TSFM: variants seen among roughly 807,000 people sequenced by gnomAD.
The protein encoded by TSFM is Ts translation elongation factor, mitochondrial.
In TSFM, 29 loss-of-function variants were observed where a neutral mutation model predicts 33.4. That is an observed-to-expected ratio of 0.87 (90% CI 0.65 to 1.18). The LOEUF (loss-of-function observed/expected upper bound fraction) is 1.18, where lower values mean the gene tolerates loss of function less well. Among genes scored for constraint, TSFM ranks in the 50% most tolerant of loss-of-function variants. The probability of loss-of-function intolerance (pLI) is 0.00; values close to 1 mark genes in which losing one functional copy is unlikely to be tolerated. For missense variants in TSFM, 394 were observed against 395.6 expected, an observed-to-expected ratio of 1.00 and a Z score of 0.04; for synonymous variants, 178 against 163.5, an observed-to-expected ratio of 1.09 and a Z score of -0.68.
chr12:57,782,983 C>T, intron 1 of TSFM, 125 bp downstream of exon 1: 1 of 1,467,140 alleles, frequency 6.8e-7, no homozygotes. Flanking sequence ...TGCCTCTGCC[C>T]AGTCCAGCCC....
downstream of TSFM, chr12:57,801,053 A>G: frequency 9.6e-7 from 1 of 1,039,360 alleles, no homozygotes; most frequent in Admixed American, 2.0e-5. Flanking sequence ...TAAGGACATG[A>G]GTTTTGCCTG....
chr12:57,802,302 C>G (rs374532704), downstream of TSFM: 11 of 1,613,862 alleles, frequency 6.8e-6, no homozygotes, highest in Admixed American at 1.7e-5. Flanking sequence ...GGCAAGGGCA[C>G]TCTCCTTCTC....
downstream of TSFM, chr12:57,801,043 T>C (rs1277924608): frequency 2.1e-6 from 2 of 941,118 alleles, no homozygotes; most frequent in Non-Finnish European, 3.3e-6. Context: ...ATGGTAATAC[T>C]AAGGACATGA....
intron 4 of TSFM, among the ~76,000 whole-genome samples, chr12:57,787,395 C>CT (rs1207549923): frequency 6.6e-6 from 1 of 152,136 alleles, no homozygotes; most frequent in African/African-American, 2.4e-5. Context: ...TGTGTGTTGT[C>CT]TATCTTCCCC....
rs759041660 is a variant in TSFM, at chr12:57,792,968, T to C, written c.484-18T>C. On this transcript the variant is annotated intron_variant, in intron 4 of 5. Coordinates refer to ENST00000652027, the MANE Select transcript of TSFM (RefSeq NM_005726.6). ...ATAGTACAGAATCAGTTCATGTTTGTTTTCTTCGTGCACTTAGGGTTTCTT... is the reference window on the plus strand; with the variant it reads ...ATAGTACAGAATCAGTTCATGTTTGCTTTCTTCGTGCACTTAGGGTTTCTT... 6 of 1,611,770 alleles carry C rather than the reference T, an allele frequency of 3.7e-6. No individual in the cohort carries two copies. The South Asian group carries it at 6.6e-5, about 18-fold the overall frequency.
intron 4 of TSFM, 77 bp from the exon 5 acceptor site, chr12:57,792,909 T>TA (rs1955682296): frequency 2.1e-6 from 3 of 1,430,538 alleles, no homozygotes; most frequent in South Asian, 1.2e-5. Context: ...TTCTTAGAGA[T>TA]AGACTATTTT....
At chr12:57,801,203 T>C (rs1352865512), downstream of TSFM, 1 of 1,613,168 alleles carries the variant, frequency 6.2e-7, no homozygotes, top group Non-Finnish European at 8.5e-7. Flanking sequence ...TGTTCATATG[T>C]TTTTCCTGCC....
chr12:57,792,231 G>A (rs546067879), intron 4 of TSFM, among the ~76,000 whole-genome samples: 2 of 146,774 alleles, frequency 1.4e-5, no homozygotes, highest in South Asian at 2.2e-4. Context: ...GCGGCAGAGC[G>A]AGACTCCATC....
intron 4 of TSFM, among the ~76,000 whole-genome samples, 199 bp downstream of exon 4, chr12:57,787,361 T>A (rs1014147555): frequency 6.6e-6 from 1 of 152,206 alleles, no homozygotes; most frequent in African/African-American, 2.4e-5. Context: ...ATTATGGTGC[T>A]TATATATTAC....
At chr12:57,792,841 C>T (rs1377413990) in intron 4 of TSFM, 145 bp from the exon 5 acceptor site, 28 of 653,026 alleles carry the variant, frequency 4.3e-5, no homozygotes, top group Non-Finnish European at 6.8e-5. Context: ...ATCCACCCAC[C>T]TTGGCTTCCC....
At chr12:57,801,191 AT>A, downstream of TSFM, 1 of 1,613,524 alleles carries the variant, frequency 6.2e-7, no homozygotes, top group Non-Finnish European at 8.5e-7. Flanking sequence ...TCTTCTTTTA[AT>A]TGTTCATATG....
chr12:57,800,101 T>C (rs969336743), downstream of TSFM: 5 of 838,190 alleles, frequency 6.0e-6, no homozygotes, highest in South Asian at 2.0e-5. Context: ...ATAGAAAATA[T>C]TCAGATTTTG....
intron 2 of TSFM, chr12:57,783,959 T>C (rs1565820212): frequency 1.0e-5 from 7 of 702,920 alleles, no homozygotes; most frequent in Middle Eastern, 4.6e-4. Context: ...AGTTTTTGCC[T>C]GTACGGTCAT....
At chr12:57,786,790 G>A (rs1182712137) in intron 3 of TSFM, among the ~76,000 whole-genome samples, 1 of 152,198 alleles carries the variant, frequency 6.6e-6, no homozygotes, top group African/African-American at 2.4e-5. Flanking sequence ...AACTTGTGGT[G>A]AGTCCTTCAG....
chr12:57,783,900 G>A (rs1221106524), intron 2 of TSFM: 1 of 697,944 alleles, frequency 1.4e-6, no homozygotes, highest in Non-Finnish European at 2.6e-6. Context: ...ACAGGAGTGA[G>A]CCACCGCGCC....
intron 2 of TSFM, chr12:57,783,911 C>T: frequency 1.4e-6 from 1 of 701,616 alleles, no homozygotes. Context: ...CCACCGCGCC[C>T]GGCTGACTTT....
intron 3 of TSFM, 142 bp downstream of exon 3, chr12:57,786,433 C>A: frequency 9.2e-7 from 1 of 1,081,632 alleles, no homozygotes; most frequent in Non-Finnish European, 1.3e-6. Context: ...TCATGAAACC[C>A]TGGGTATTAG....
rs577430916 is a variant in TSFM at position 57,783,631 on chromosome 12, T to C, written c.231+348T>C. On this transcript the variant is annotated intron_variant, in intron 2 of 5. Transcript: ENST00000652027. ...TTTTTTCAGACGGAGTCTTGCTCTG[T>C]GGCCCAGGCCGGCGTGCAATGGCAC... is the stretch of plus-strand genomic sequence containing the variant. The C allele has an allele frequency of 6.9e-5, 39 of 568,374 alleles. No individual in the cohort carries two copies. In the East Asian group the frequency reaches 1.8e-3, roughly 26 times the overall value. 35.2% of individuals were successfully genotyped at this position (568,374 alleles called of 1,614,324 possible). A position where few individuals can be genotyped will look rare whatever the true frequency, so the allele number is the denominator to read the frequency against.
intron 2 of TSFM, among the ~76,000 whole-genome samples, chr12:57,784,408 T>G (rs985097248): frequency 1.3e-5 from 2 of 152,230 alleles, no homozygotes; most frequent in Non-Finnish European, 2.9e-5. Flanking sequence ...GAAATTTTTT[T>G]CTGTGATAAT....
Sources: gnomAD v4.1 joint callset for allele counts (sites outside exome capture counted in the v4.1 genomes callset) on GRCh38, gnomAD v4.1.1 for gene constraint, MANE v1.5 for transcripts, NCBI Gene and HGNC (gene_info 2026-07-23, HGNC 2026-07-21) for gene names.